The following CENPK variants were observed in gnomAD, a reference collection of about 807,000 sequenced individuals.
The protein encoded by CENPK is centromere protein K, also known as SoxLZ/Sox6-binding protein Solt.
A neutral mutation model predicts 40.9 loss-of-function variants in CENPK; 46 were observed. That is an observed-to-expected ratio of 1.13 (90% confidence interval 0.89 to 1.44). CENPK has a LOEUF of 1.44. CENPK is among the 40% of genes most tolerant of loss of function. CENPK has a pLI of 0.00. For missense variants in CENPK, 288 were observed against 303.5 expected, an observed-to-expected ratio of 0.95 and a Z score of 0.38; for synonymous variants, 107 against 104.4, an observed-to-expected ratio of 1.02 and a Z score of -0.15.
chr5:65,517,199 T>C (rs1360881674), downstream of CENPK, among the ~76,000 whole-genome samples: 3 of 152,174 alleles, frequency 2.0e-5, no homozygotes, highest in Admixed American at 6.5e-5. Context: ...CACCTCGGCC[T>C]CCCAAAGTGC....
rs773540586 is a variant in CENPK, at chr5:65,542,815, A to C, written c.275T>G (p.Leu92Ter). Reference sequence around the variant, plus strand: ...TGAGTGGCTTACCTCTTCTTTTCCTAATGTTATGAGAACGTCTTCAGTCAA... The same window carrying C: ...TGAGTGGCTTACCTCTTCTTTTCCTCATGTTATGAGAACGTCTTCAGTCAA... The part of the protein sequence containing the change: ...IPLTEDVLIT[L>*]GKEEFQKLRQ... The change falls in exon 6 of 11, where the codon TTA (leucine) becomes TGA (stop). Residue 92 changes from leucine (L) to a stop codon, truncating the protein, a stop_gained. Coordinates refer to ENST00000396679, the MANE Select transcript of CENPK (RefSeq NM_022145.5). LOFTEE classifies it high-confidence loss of function. The C allele has an allele frequency of 6.2e-7, 1 of 1,609,976 alleles. No homozygotes were observed.
intron 2 of CENPK, among the ~76,000 whole-genome samples, chr5:65,558,286 A>C (rs1490246502): frequency 6.6e-6 from 1 of 152,212 alleles, no homozygotes; most frequent in African/African-American, 2.4e-5. Flanking sequence ...TATACGGTAC[A>C]GTAAAAGAAG....
At chr5:65,502,590 T>C in the CENPK span, among the ~76,000 whole-genome samples, 5 of 152,070 alleles carry the variant, frequency 3.3e-5, no homozygotes, top group Non-Finnish European at 1.5e-5. Flanking sequence ...TTCTCTAACA[T>C]GAAGAGTCTT....
At chr5:65,549,272 A>C (rs1296172189) in intron 5 of CENPK, among the ~76,000 whole-genome samples, 1 of 152,140 alleles carries the variant, frequency 6.6e-6, no homozygotes, top group Admixed American at 6.5e-5. Flanking sequence ...ACCATGCTAT[A>C]AACAGGTGTA....
the CENPK span, among the ~76,000 whole-genome samples, chr5:65,508,325 A>G: frequency 3.3e-5 from 5 of 152,194 alleles, no homozygotes; most frequent in Non-Finnish European, 7.3e-5. Flanking sequence ...TAGTTGTAAT[A>G]CTTCTATAAG....
At position 65,529,127 on chromosome 5, in the gene CENPK, CTTCCT is replaced by C; in HGVS notation, c.356_360del (p.Lys119ArgfsTer11). On this transcript the variant is annotated frameshift_variant, in exon 7 of 11. Coordinates refer to ENST00000396679, the MANE Select transcript of CENPK (RefSeq NM_022145.5). LOFTEE classifies it high-confidence loss of function. Reference sequence around the variant, plus strand: ...GTAACATAAACAAACCTTTCTAAGTCTTCCTTTAACTTTTCATTCTTTGACTCCTT... The same window carrying C: ...GTAACATAAACAAACCTTTCTAAGTCTTAACTTTTCATTCTTTGACTCCTT... The C allele has an allele frequency of 6.2e-7, 1 of 1,605,806 alleles. No homozygotes were observed. Among genetic ancestry groups the C allele is most frequent in the Non-Finnish European group, 8.5e-7 (1 of 1,173,832 alleles).
At chr5:65,551,860 T>C (rs1405727075) in intron 4 of CENPK, among the ~76,000 whole-genome samples, 1 of 152,136 alleles carries the variant, frequency 6.6e-6, no homozygotes, top group Non-Finnish European at 1.5e-5. Flanking sequence ...TGAATGTCAG[T>C]CCTTTTTTTA....
chr5:65,540,935 G>A (rs1747858814), intron 6 of CENPK, among the ~76,000 whole-genome samples: 1 of 151,506 alleles, frequency 6.6e-6, no homozygotes, highest in Non-Finnish European at 1.5e-5. Flanking sequence ...AGCCTTCCAA[G>A]TATCTGGGAC....
In CENPK at chr5:65,551,592, G is replaced by A. The variant is rs777349763; in HGVS notation, c.213C>T (p.Leu71=). ...CAGGTGTTTTTTTCTGCCATTGACT[G>A]AGTTCAGCGGTTAAACATTTTACTT... ...IMQVKCLTAE[L]SQWQKKTPET... The change falls in exon 5 of 11, where the codon CTC becomes CTT. Residue 71 remains leucine (L), a synonymous_variant. Transcript: ENST00000396679. 4 of 1,572,594 alleles carry A rather than the reference G, an allele frequency of 2.5e-6. No homozygotes were observed. In the African/African-American group the frequency reaches 5.5e-5, roughly 22 times the overall value.
Position 65,538,963 on chromosome 5 carries a change from T to C in CENPK, c.288+3839A>G, listed in dbSNP as rs114109250. Among the ~76,000 whole-genome samples, 782 of 152,316 alleles carry C rather than the reference T, an allele frequency of 5.1e-3. 7 individuals are homozygous for C. The highest frequency in any genetic ancestry group is 7.7e-3 in the Non-Finnish European group (527 of 68,028). ...CAGGTTCCTTCAAATCCCAAGACTT[T>C]CTTCAATTTTGTGGGGGCAAACTCT... On this transcript the variant is annotated intron_variant, in intron 6 of 10. Coordinates refer to ENST00000396679, the MANE Select transcript of CENPK (RefSeq NM_022145.5).
In CENPK at chr5:65,521,516, C is replaced by A; in HGVS notation, c.610G>T (p.Glu204Ter). ...AGTGTTATCAGGTTTACAGATGATT[C>A]TTGAATGTTTTTCTTCAAGAGAAAT... The part of the protein sequence containing the change: ...SVKKKKKNIQ[E>*]SSVNLITLHE... The change falls in exon 10 of 11, where the codon GAA becomes TAA. Residue 204 changes from glutamate (E) to a stop codon, truncating the protein, a stop_gained. Transcript: ENST00000396679. LOFTEE classifies it high-confidence loss of function. 1 of 1,606,052 alleles carries A rather than the reference C, an allele frequency of 6.2e-7. No individual in the cohort carries two copies. Among genetic ancestry groups the A allele is most frequent in the Non-Finnish European group, 8.5e-7 (1 of 1,174,186 alleles).
At chr5:65,510,654 T>C in the CENPK span, among the ~76,000 whole-genome samples, 1 of 151,784 alleles carries the variant, frequency 6.6e-6, no homozygotes, top group Non-Finnish European at 1.5e-5. Context: ...TGCACGCCTG[T>C]AATCCCAGCT....
At chr5:65,520,939 G>T (rs945954466) in intron 10 of CENPK, among the ~76,000 whole-genome samples, 5 of 152,034 alleles carry the variant, frequency 3.3e-5, no homozygotes, top group African/African-American at 1.2e-4. Flanking sequence ...AAGGTCAAAG[G>T]TATTTATAAA....
downstream of CENPK, among the ~76,000 whole-genome samples, chr5:65,514,228 A>ATATTTTTTTTTTTTTT (rs199873665): frequency 9.7e-5 from 6 of 61,644 alleles, no homozygotes; most frequent in African/African-American, 1.3e-4. Flanking sequence ...GCCTCACATA[A>ATATTTTTTTTTTTTTT]TCTTTTTTTT....
At chr5:65,535,283 G>C (rs924429478) in intron 6 of CENPK, among the ~76,000 whole-genome samples, 1 of 152,132 alleles carries the variant, frequency 6.6e-6, no homozygotes, top group African/African-American at 2.4e-5. Context: ...GCAGGAAAGA[G>C]TTAACTCAGC....
chr5:65,505,083 A>G, the CENPK span, among the ~76,000 whole-genome samples: 1 of 152,076 alleles, frequency 6.6e-6, no homozygotes, highest in African/African-American at 2.4e-5. Flanking sequence ...ATGTCCCACC[A>G]TATTCAGCTA....
intron 9 of CENPK, among the ~76,000 whole-genome samples, chr5:65,522,548 C>T (rs1388251772): frequency 1.3e-5 from 2 of 152,108 alleles, no homozygotes; most frequent in Non-Finnish European, 2.9e-5. Context: ...CCCACCTCAG[C>T]CTCCCGAGTA....
the CENPK span, among the ~76,000 whole-genome samples, chr5:65,511,791 C>T: frequency 6.6e-6 from 1 of 152,182 alleles, no homozygotes; most frequent in South Asian, 2.1e-4. Flanking sequence ...AGAACAGGTT[C>T]ATCCCAAAAC....
At chr5:65,499,455 C>T in the CENPK span, among the ~76,000 whole-genome samples, 8,166 of 151,128 alleles carry the variant, frequency 0.054, 667 homozygotes, top group African/African-American at 0.18. Flanking sequence ...GACTTTTTGC[C>T]TTCTCTTTTC....
Sources: gnomAD v4.1 joint callset for allele counts (sites outside exome capture counted in the v4.1 genomes callset) on GRCh38, gnomAD v4.1.1 for gene constraint, MANE v1.5 for transcripts, NCBI Gene and HGNC (gene_info 2026-07-23, HGNC 2026-07-21) for gene names.